FBN3: variants seen among roughly 807,000 people sequenced by gnomAD.
FBN3 encodes fibrillin-3.
FBN3 carries 234 observed loss-of-function variants against 330.1 expected under a neutral mutation model. That is an observed-to-expected ratio of 0.71 (90% CI 0.64 to 0.79). The LOEUF is 0.79. FBN3 is among the 30% of genes least tolerant of loss of function. FBN3 has a pLI of 0.00. For missense variants in FBN3, 3,606 were observed against 3,886.9 expected, an observed-to-expected ratio of 0.93 and a Z score of 1.92; for synonymous variants, 1,458 against 1,517.3, an observed-to-expected ratio of 0.96 and a Z score of 0.91.
intron 25 of FBN3, among the ~76,000 whole-genome samples, chr19:8,120,475 C>G (rs907515332): frequency 3.0e-5 from 4 of 134,596 alleles, no homozygotes; most frequent in African/African-American, 1.0e-4. Flanking sequence ...TGGCTTTTTC[C>G]TCTTCCTTCC....
At chr19:8,092,234 C>T (rs1242065064) in intron 47 of FBN3, among the ~76,000 whole-genome samples, 2 of 151,594 alleles carry the variant, frequency 1.3e-5, no homozygotes, top group Admixed American at 6.6e-5. Flanking sequence ...AGCAATCCTA[C>T]TACTGGGTAT....
At chr19:8,069,484 C>T (rs1434855118) in intron 63 of FBN3, among the ~76,000 whole-genome samples, 3 of 142,012 alleles carry the variant, frequency 2.1e-5, no homozygotes, top group Non-Finnish European at 4.6e-5. Flanking sequence ...GTTCCCCAGC[C>T]CCTCAGTTCT....
intron 63 of FBN3, 51 bp downstream of exon 63, chr19:8,071,997 C>A: frequency 7.7e-6 from 12 of 1,562,194 alleles, no homozygotes; most frequent in Non-Finnish European, 1.0e-5. Flanking sequence ...GCCTCTTTCC[C>A]ACACTCACCC....
rs777720183 is a variant in FBN3 at position 8,109,434 on chromosome 19, T to C, written c.4457-46A>G. 5 of 1,599,968 alleles carry C rather than the reference T, an allele frequency of 3.1e-6. No homozygotes were observed. The South Asian group carries it at 5.7e-5, about 18-fold the overall frequency. On this transcript the variant is annotated intron_variant, in intron 35 of 63. Coordinates refer to ENST00000600128, the MANE Select transcript of FBN3 (RefSeq NM_032447.5). The surrounding 1 kb of genome is among the most constrained non-coding windows in gnomAD (Gnocchi z 5.2). ...GGTTAGTAGGTGTCAGAGGGAAAGC[T>C]GTATGTGTGCGTGTGCATGCATGTG...
At chr19:8,107,730 TATGGAAGGAAGA>T (rs937798514) in intron 37 of FBN3, among the ~76,000 whole-genome samples, 2 of 127,074 alleles carry the variant, frequency 1.6e-5, no homozygotes, top group African/African-American at 5.4e-5. Context: ...AGTATGGAAG[TATGGAAGGAAGA>T]ATGGATGGAG....
chr19:8,090,448 G>T (rs1349284979), intron 48 of FBN3, among the ~76,000 whole-genome samples, 197 bp from the exon 49 acceptor site: 2 of 151,016 alleles, frequency 1.3e-5, no homozygotes, highest in African/African-American at 2.4e-5. Context: ...ATGAGGATCT[G>T]CCCTGGGTTT....
At chr19:8,127,059 G>GTTTTTT (rs869282535) in intron 18 of FBN3, among the ~76,000 whole-genome samples, 1 of 103,890 alleles carries the variant, frequency 9.6e-6, no homozygotes, top group Admixed American at 1.2e-4. Flanking sequence ...TTTTTTTTTT[G>GTTTTTT]TTTTTTTTTT....
At chr19:8,118,766 T>C in intron 26 of FBN3, 131 bp downstream of exon 26, 2 of 1,137,772 alleles carry the variant, frequency 1.8e-6, no homozygotes, top group Non-Finnish European at 2.5e-6. Flanking sequence ...CGCTCACACA[T>C]AGGTATGGCC....
At chr19:8,091,292 C>T (rs1466397445) in intron 48 of FBN3, among the ~76,000 whole-genome samples, 173 bp downstream of exon 48, 1 of 152,228 alleles carries the variant, frequency 6.6e-6, no homozygotes, top group African/African-American at 2.4e-5. Context: ...GACATGACCT[C>T]TATAGCCAAG....
chr19:8,116,502 A>T (rs890893652), intron 29 of FBN3, among the ~76,000 whole-genome samples, 172 bp downstream of exon 29: 5 of 152,126 alleles, frequency 3.3e-5, no homozygotes, highest in Admixed American at 6.5e-5. Flanking sequence ...GGTGCTGGGG[A>T]CCCTTATGTG....
intron 59 of FBN3, among the ~76,000 whole-genome samples, chr19:8,077,080 A>G (rs907592265): frequency 1.1e-4 from 16 of 152,240 alleles, no homozygotes; most frequent in Middle Eastern, 3.4e-3. Context: ...TTGGATTTGA[A>G]TTTGCTAAAT....
chr19:8,145,647 C>G (rs1326033894), intron 5 of FBN3, among the ~76,000 whole-genome samples, 196 bp downstream of exon 5: 1 of 147,202 alleles, frequency 6.8e-6, no homozygotes, highest in Non-Finnish European at 1.5e-5. Flanking sequence ...TGCCACTGCA[C>G]TCCAGCCTGA....
In FBN3 at chr19:8,103,817, C is replaced by T. The variant is rs540357038; in HGVS notation, c.4814-130G>A. The stretch of plus-strand genomic sequence containing the variant: ...GTTTGGTTTCAAAATCAGTTTAAAA[C>T]GCACACACATCTTAGTGATGAAGAA... On this transcript the variant is annotated intron_variant, in intron 38 of 63. Transcript: ENST00000600128. 1,552 of 779,762 alleles carry T rather than the reference C, an allele frequency of 2.0e-3. 1 individual carries two copies. The highest frequency in any genetic ancestry group is 2.8e-3 in the Non-Finnish European group (1,358 of 489,046). 48.3% of individuals were successfully genotyped at this position (779,762 alleles called of 1,614,324 possible).
At position 8,065,729 on chromosome 19, in the gene FBN3, C is replaced by A; in HGVS notation, c.*190G>T. The A allele has an allele frequency of 1.7e-6, 1 of 578,432 alleles. No individual in the cohort carries two copies. The highest frequency in any genetic ancestry group is 2.4e-5 in the South Asian group (1 of 41,642). 35.8% of individuals were successfully genotyped at this position (578,432 alleles called of 1,614,324 possible). A position where few individuals can be genotyped will look rare whatever the true frequency, so the allele number is the denominator to read the frequency against. On this transcript the variant is annotated 3_prime_UTR_variant, in exon 64 of 64. Coordinates refer to ENST00000600128, the MANE Select transcript of FBN3 (RefSeq NM_032447.5). Reference sequence around the variant, plus strand: ...GCTGTCTCCAGGAAAGACTGAGTAACTGGGGGGCCCCCGGGGCTGGCACAG... The same window carrying A: ...GCTGTCTCCAGGAAAGACTGAGTAAATGGGGGGCCCCCGGGGCTGGCACAG...
intron 45 of FBN3, 49 bp downstream of exon 45, chr19:8,095,915 G>A (rs778857798): frequency 1.2e-5 from 14 of 1,214,552 alleles, no homozygotes; most frequent in Middle Eastern, 3.7e-4. Flanking sequence ...CACTTCCTTA[G>A]ATTCTGAGAA....
rs151274163 is a variant in FBN3, at chr19:8,106,183, C to T, written c.4738G>A (p.Val1580Ile). ...CACTGGAAACTGCCAAACGTGTTGA[C>T]GCAGTCACCCCCCTGACACAGCCCT... ...LPGLCQGGDC[V>I]NTFGSFQCEC... The change falls in exon 38 of 64, where the codon GTC becomes ATC. Residue 1580 changes from valine to isoleucine, a missense_variant. Coordinates refer to ENST00000600128, the MANE Select transcript of FBN3 (RefSeq NM_032447.5). 5.6e-3 allele frequency: 9,006 copies of T among 1,614,110 alleles called. 34 individuals are homozygous for T. The highest frequency in any genetic ancestry group is 6.8e-3 in the Non-Finnish European group (8,048 of 1,180,006).
intron 63 of FBN3, among the ~76,000 whole-genome samples, chr19:8,067,827 C>T (rs1358237939): frequency 2.0e-5 from 3 of 152,062 alleles, no homozygotes. Context: ...TGGCTGAGGG[C>T]CAAGGTGGAC....
intron 36 of FBN3, 120 bp from the exon 37 acceptor site, chr19:8,108,358 A>G: frequency 1.4e-6 from 1 of 722,430 alleles, no homozygotes. Context: ...CTTCTACTGT[A>G]CTAACGACAT....
In FBN3 at chr19:8,121,929, AGTAGAGATGGTGTTTC is replaced by A. The variant is rs899061661; in HGVS notation, c.3083-559_3083-544del. Among the ~76,000 whole-genome samples, 42 of 151,196 alleles carry A rather than the reference AGTAGAGATGGTGTTTC, an allele frequency of 2.8e-4. No individual in the cohort carries two copies. Among genetic ancestry groups the A allele is most frequent in the Admixed American group, 2.3e-3 (35 of 15,178 alleles). On this transcript the variant is annotated intron_variant, in intron 24 of 63. Coordinates refer to ENST00000600128, the MANE Select transcript of FBN3 (RefSeq NM_032447.5). This position sits in a 1 kb window ranked among gnomAD's most constrained non-coding sequence, Gnocchi z 4.5. ...CATGCCCGGCTAATTTTGTATTTTT[AGTAGAGATGGTGTTTC>A]GCCATGTTGGCCAGGCTGGTCTCAA... is the stretch of plus-strand genomic sequence containing the variant.
Sources: gnomAD v4.1 joint callset for allele counts (sites outside exome capture counted in the v4.1 genomes callset) on GRCh38, gnomAD v4.1.1 for gene constraint, Gnocchi (gnomAD v3.1) non-coding constraint, MANE v1.5 for transcripts, NCBI Gene and HGNC (gene_info 2026-07-23, HGNC 2026-07-21) for gene names.